NENF: variants seen among roughly 807,000 people sequenced by gnomAD.
The protein encoded by NENF is neudesin neurotrophic factor.
Under a neutral mutation model 14.8 loss-of-function variants are expected in NENF, and 6 were observed. That is an observed-to-expected ratio of 0.40 (90% CI 0.22 to 0.80). NENF has a LOEUF of 0.80. NENF is among the 30% of genes least tolerant of loss of function. The probability of loss-of-function intolerance (pLI) is 0.34; values close to 1 mark genes in which losing one functional copy is unlikely to be tolerated. For synonymous variants in NENF, 76 were observed against 95.1 expected (o/e 0.80, Z 1.17); for missense variants, 184 against 212.7 (o/e 0.87, Z 0.84).
chr1:212,441,731 A>G (rs1662701722), intron 1 of NENF, among the ~76,000 whole-genome samples: 1 of 152,104 alleles, frequency 6.6e-6, no homozygotes, highest in Admixed American at 6.5e-5. Flanking sequence ...GGTTGCAGTG[A>G]GCTGACATTG....
intron 1 of NENF, among the ~76,000 whole-genome samples, chr1:212,435,203 CT>C: frequency 6.6e-6 from 1 of 152,182 alleles, no homozygotes; most frequent in South Asian, 2.1e-4. Flanking sequence ...TGAGTCTCCA[CT>C]TTGTTCGTAA....
chr1:212,443,469 G>A (rs1483360212), intron 2 of NENF, among the ~76,000 whole-genome samples: 4 of 151,958 alleles, frequency 2.6e-5, no homozygotes, highest in South Asian at 2.1e-4. Flanking sequence ...GCAGTGATGC[G>A]ACCTTCTCCA....
chr1:212,442,236 C>T (rs1356605209), intron 1 of NENF, among the ~76,000 whole-genome samples: 1 of 152,144 alleles, frequency 6.6e-6, no homozygotes, highest in Non-Finnish European at 1.5e-5. Flanking sequence ...GGTCTTGAAC[C>T]CCTGACCTCA....
intron 1 of NENF, chr1:212,434,717 T>A (rs992473260): frequency 6.6e-6 from 1 of 152,224 alleles, no homozygotes; most frequent in African/African-American, 2.4e-5. Flanking sequence ...ACTCTCCAAC[T>A]GACCCGATGA....
chr1:212,441,759 C>G (rs1213953421), intron 1 of NENF, among the ~76,000 whole-genome samples: 1 of 151,844 alleles, frequency 6.6e-6, no homozygotes, highest in Non-Finnish European at 1.5e-5. Flanking sequence ...GCACTCCAGC[C>G]TGGGCAGCAT....
chr1:212,439,721 G>A (rs1184920624), intron 1 of NENF, among the ~76,000 whole-genome samples: 2 of 142,044 alleles, frequency 1.4e-5, no homozygotes, highest in Non-Finnish European at 3.0e-5. Flanking sequence ...TTGGCCAGGC[G>A]TGGTGACACA....
intron 3 of NENF, among the ~76,000 whole-genome samples, chr1:212,445,449 T>C (rs1662763604): frequency 2.0e-5 from 3 of 151,816 alleles, no homozygotes; most frequent in Admixed American, 1.3e-4. Flanking sequence ...AGGTGCCAAA[T>C]GTATAATGGG....
At chr1:212,444,620 T>C in intron 3 of NENF, among the ~76,000 whole-genome samples, 178 bp downstream of exon 3, 1 of 151,326 alleles carries the variant, frequency 6.6e-6, no homozygotes, top group Non-Finnish European at 1.5e-5. Context: ...TTCGGTCCAC[T>C]TGGTATGGTG....
intron 1 of NENF, among the ~76,000 whole-genome samples, chr1:212,442,036 G>C (rs1662706351): frequency 6.6e-6 from 1 of 152,056 alleles, no homozygotes; most frequent in Non-Finnish European, 1.5e-5. Context: ...TTTTGAGACG[G>C]AGTCTCACTG....
At chr1:212,438,617 A>ATT (rs757959823) in intron 1 of NENF, among the ~76,000 whole-genome samples, 25 of 124,906 alleles carry the variant, frequency 2.0e-4, no homozygotes, top group Admixed American at 2.5e-4. Context: ...GTGTGTCTGT[A>ATT]TTTTTTTTTT....
At chr1:212,436,760 A>G (rs1033841920) in intron 1 of NENF, among the ~76,000 whole-genome samples, 1 of 152,160 alleles carries the variant, frequency 6.6e-6, no homozygotes, top group Non-Finnish European at 1.5e-5. Flanking sequence ...ATTGACACAT[A>G]AAATAAATCA....
At chr1:212,440,251 CAAAAAA>C (rs371489983) in intron 1 of NENF, among the ~76,000 whole-genome samples, 1 of 87,048 alleles carries the variant, frequency 1.1e-5, no homozygotes, top group South Asian at 4.2e-4. Context: ...GACTCTGTCT[CAAAAAA>C]AAAAAAAAAG....
At position 212,444,367 on chromosome 1, in the gene NENF, T is replaced by C; in HGVS notation, c.267T>C (p.Asn89=). 1.9e-6 allele frequency: 3 copies of C among 1,606,586 alleles called. No individual in the cohort carries two copies. Among genetic ancestry groups the C allele is most frequent in the African/African-American group, 1.3e-5 (1 of 74,774 alleles). The part of the protein sequence containing the change: ...KEFYGRGAPY[N]ALTGKDSTRG... Reference sequence around the variant, plus strand: ...TTTATGGACGAGGAGCCCCCTACAATGCCTTGACGGGGAAGGACTCCACTA... The same window carrying C: ...TTTATGGACGAGGAGCCCCCTACAACGCCTTGACGGGGAAGGACTCCACTA... Residue 89 remains asparagine, a synonymous_variant, in exon 3 of 4, where the codon AAT becomes AAC. Transcript: ENST00000366988.
intron 2 of NENF, among the ~76,000 whole-genome samples, chr1:212,443,604 G>A (rs1662728174): frequency 6.6e-6 from 1 of 152,084 alleles, no homozygotes; most frequent in African/African-American, 2.4e-5. Flanking sequence ...TAACCAGGCT[G>A]ATCTTGAACT....
chr1:212,434,774 C>T (rs1662578395), intron 1 of NENF: 1 of 152,168 alleles, frequency 6.6e-6, no homozygotes, highest in Non-Finnish European at 1.5e-5. Context: ...GAGAGTTCAC[C>T]ACTGAGGTTA....
chr1:212,435,496 G>A (rs1662589029), intron 1 of NENF, among the ~76,000 whole-genome samples: 1 of 151,218 alleles, frequency 6.6e-6, no homozygotes, highest in Non-Finnish European at 1.5e-5. Flanking sequence ...TTACAGGTGT[G>A]CACCCAGCCA....
At chr1:212,445,007 C>A (rs1396507816) in intron 3 of NENF, among the ~76,000 whole-genome samples, 2 of 152,136 alleles carry the variant, frequency 1.3e-5, no homozygotes, top group Non-Finnish European at 2.9e-5. Context: ...GTAATCCCAG[C>A]ACTTTGGAAG....
chr1:212,445,713 G>T, intron 3 of NENF, 117 bp from the exon 4 acceptor site: 1 of 957,214 alleles, frequency 1.0e-6, no homozygotes, highest in Non-Finnish European at 1.5e-6. Context: ...GGTTTGTTGA[G>T]ATATCTTTTC....
intron 1 of NENF, among the ~76,000 whole-genome samples, chr1:212,441,151 T>C (rs112998684): frequency 7.2e-5 from 11 of 152,324 alleles, no homozygotes; most frequent in African/African-American, 2.6e-4. Context: ...GTAAAGCCCA[T>C]TGTTAGTAGA....
Sources: gnomAD v4.1 joint callset for allele counts (sites outside exome capture counted in the v4.1 genomes callset) on GRCh38, gnomAD v4.1.1 for gene constraint, MANE v1.5 for transcripts, NCBI Gene and HGNC (gene_info 2026-07-23, HGNC 2026-07-21) for gene names.